The following PARD3B variants were observed in gnomAD, a reference collection of about 807,000 sequenced individuals.
The protein encoded by PARD3B is par-3 family cell polarity regulator beta.
PARD3B carries 103 observed loss-of-function variants against 130.2 expected under a neutral mutation model. The observed-to-expected ratio is 0.79, with a 90% CI of 0.67 to 0.93. The LOEUF (loss-of-function observed/expected upper bound fraction) is 0.93, where lower values mean the gene tolerates loss of function less well. PARD3B is among the 40% of genes least tolerant of loss of function. The pLI, the probability that PARD3B is intolerant of heterozygous loss-of-function variation, is 0.00. For missense variants in PARD3B, 1,609 were observed against 1,499.2 expected (o/e 1.07, Z -1.21); for synonymous variants, 583 against 553.2 (o/e 1.05, Z -0.76).
chr2:205,534,223 G>GA (rs933703095), intron 21 of PARD3B, among the ~76,000 whole-genome samples: 19 of 152,308 alleles, frequency 1.2e-4, no homozygotes, highest in African/African-American at 4.6e-4. Flanking sequence ...TTATGTTTGT[G>GA]AAAAGAGATA....
chr2:205,029,113 G>T (rs947627217), intron 3 of PARD3B, among the ~76,000 whole-genome samples: 4 of 152,118 alleles, frequency 2.6e-5, no homozygotes, highest in African/African-American at 7.2e-5. Flanking sequence ...CTAGTGCCAG[G>T]TTGCTAGCCC....
intron 18 of PARD3B, among the ~76,000 whole-genome samples, chr2:205,329,152 T>C (rs1443009511): frequency 6.6e-6 from 1 of 152,226 alleles, no homozygotes; most frequent in Non-Finnish European, 1.5e-5. Context: ...ATGAATGAGA[T>C]GCACTTCTAC....
chr2:204,880,196 T>G (rs965385888), intron 2 of PARD3B, among the ~76,000 whole-genome samples: 2 of 152,186 alleles, frequency 1.3e-5, no homozygotes, highest in Non-Finnish European at 2.9e-5. Flanking sequence ...CTTAGTTGTT[T>G]GTGATTTAAT....
chr2:204,696,838 T>C (rs2037633621), intron 2 of PARD3B, among the ~76,000 whole-genome samples: 1 of 152,108 alleles, frequency 6.6e-6, no homozygotes, highest in East Asian at 1.9e-4. Flanking sequence ...GAATCAGTTT[T>C]GAAGGATCAA....
At chr2:205,073,135 C>CGTA (rs1312290800) in intron 4 of PARD3B, among the ~76,000 whole-genome samples, 2 of 151,998 alleles carry the variant, frequency 1.3e-5, no homozygotes, top group Non-Finnish European at 2.9e-5. Flanking sequence ...GTTACTATTC[C>CGTA]AATTACCTTT....
intron 2 of PARD3B, among the ~76,000 whole-genome samples, chr2:204,709,962 C>T (rs1386031883): frequency 6.6e-6 from 1 of 152,134 alleles, no homozygotes. Context: ...CTAAAGAAAT[C>T]ATAATTAAAT....
chr2:204,546,507 A>C (rs570619778), intron 1 of PARD3B, among the ~76,000 whole-genome samples: 1 of 152,294 alleles, frequency 6.6e-6, no homozygotes, highest in East Asian at 1.9e-4. Flanking sequence ...TGCTCACCTA[A>C]GTGTGATTTT....
intron 2 of PARD3B, among the ~76,000 whole-genome samples, chr2:204,716,717 G>A (rs553606709): frequency 9.8e-4 from 149 of 151,394 alleles, no homozygotes; most frequent in Non-Finnish European, 1.8e-3. Context: ...CCGCCTCCTG[G>A]GTTCACGCCA....
At chr2:204,966,457 C>T (rs1001171808) in intron 3 of PARD3B, among the ~76,000 whole-genome samples, 1 of 152,110 alleles carries the variant, frequency 6.6e-6, no homozygotes, top group Non-Finnish European at 1.5e-5. Context: ...CTTACAGCCC[C>T]ATCATTCATT....
At chr2:204,953,418 C>CAG (rs752929812) in intron 2 of PARD3B, among the ~76,000 whole-genome samples, 38 of 117,510 alleles carry the variant, frequency 3.2e-4, no homozygotes, top group African/African-American at 1.1e-3. Context: ...CATACACACA[C>CAG]ACAGAGAGAG....
intron 2 of PARD3B, among the ~76,000 whole-genome samples, chr2:204,936,763 A>G (rs780791210): frequency 6.6e-6 from 1 of 152,220 alleles, no homozygotes; most frequent in Non-Finnish European, 1.5e-5. Flanking sequence ...GTTAACCATG[A>G]TTAACTGACA....
chr2:204,990,706 T>G (rs1693592884), intron 3 of PARD3B, among the ~76,000 whole-genome samples: 1 of 152,140 alleles, frequency 6.6e-6, no homozygotes, highest in South Asian at 2.1e-4. Flanking sequence ...CCTGTATGTT[T>G]TTTGATGACC....
intron 15 of PARD3B, among the ~76,000 whole-genome samples, chr2:205,237,585 A>G (rs2039125448): frequency 6.6e-6 from 1 of 152,188 alleles, no homozygotes; most frequent in Non-Finnish European, 1.5e-5. Context: ...AGCTGTTTGT[A>G]TGAAGTATTC....
At position 205,121,080 on chromosome 2, in the gene PARD3B, G is replaced by A. The variant is rs2030652672; in HGVS notation, c.807-511G>A. Among the ~76,000 whole-genome samples the A allele has an allele frequency of 6.6e-6, 1 of 152,210 alleles. No individual in the cohort carries two copies. Among genetic ancestry groups the A allele is most frequent in the Non-Finnish European group, 1.5e-5 (1 of 68,044 alleles). On this transcript the variant is annotated intron_variant, in intron 7 of 22. Transcript: ENST00000406610. This position sits in a 1 kb window ranked among gnomAD's most constrained non-coding sequence, Gnocchi z 5.0. ...AGCACCTGCCAAAATGTCTCCATGA[G>A]CAAACATGGATGTCAAACTTGAACT...
rs1279942563 is a variant in PARD3B, at chr2:204,998,475, A to ATGTGTATATAATATATGTATATATG, written c.394+33176_394+33177insGTGTGTATATAATATATGTATATAT. On this transcript the variant is annotated intron_variant, in intron 3 of 22. Transcript: ENST00000406610. Reference sequence around the variant, plus strand: ...ATGTGTATATTATATATGTATATATATGTGTATATAATATATGTATATATA... The same window carrying ATGTGTATATAATATATGTATATATG: ...ATGTGTATATTATATATGTATATATATGTGTATATAATATATGTATATATGTGTGTATATAATATATGTATATATA... Among the ~76,000 whole-genome samples the ATGTGTATATAATATATGTATATATG allele has an allele frequency of 1.6e-4, 15 of 95,202 alleles. 1 individual carries two copies. Among genetic ancestry groups the ATGTGTATATAATATATGTATATATG allele is most frequent in the African/African-American group, 4.7e-4 (11 of 23,554 alleles). The allele number at this position is 95,202 out of a possible 152,430, so 62.5% of individuals were successfully genotyped here.
intron 2 of PARD3B, among the ~76,000 whole-genome samples, chr2:204,813,553 C>T (rs2125528600): frequency 6.6e-6 from 1 of 152,124 alleles, no homozygotes; most frequent in Middle Eastern, 3.4e-3. Flanking sequence ...TCTTCATGGA[C>T]CATGCTTTTA....
rs1298451651 is a variant in PARD3B at position 205,054,404 on chromosome 2, T to TTA, written c.504+6746_504+6747dup. Among the ~76,000 whole-genome samples, 31 of 33,832 alleles carry TTA rather than the reference T, an allele frequency of 9.2e-4. 1 individual carries two copies. Among genetic ancestry groups the TTA allele is most frequent in the African/African-American group, 2.4e-3 (27 of 11,176 alleles). The allele number at this position is 33,832 out of a possible 152,430, so 22.2% of individuals were successfully genotyped here. On this transcript the variant is annotated intron_variant, in intron 4 of 22. Transcript: ENST00000406610. Reference sequence around the variant, plus strand: ...TAACAAGGTAACCATGACATGTCTTTTATATATATATATATATATATATAT... The same window carrying TTA: ...TAACAAGGTAACCATGACATGTCTTTTATATATATATATATATATATATATAT...
At chr2:204,946,989 A>G (rs1231590672) in intron 2 of PARD3B, among the ~76,000 whole-genome samples, 1 of 152,186 alleles carries the variant, frequency 6.6e-6, no homozygotes, top group Non-Finnish European at 1.5e-5. Flanking sequence ...ATTTCTAGTC[A>G]GGCCTTCAGT....
chr2:205,161,195 C>T (rs185159686), intron 11 of PARD3B, among the ~76,000 whole-genome samples: 6 of 152,208 alleles, frequency 3.9e-5, no homozygotes, highest in Admixed American at 1.3e-4. Flanking sequence ...CAGATATTGG[C>T]GAGCAGGTTT....
Sources: allele counts gnomAD v4.1 joint callset (sites outside exome capture counted in the v4.1 genomes callset), GRCh38; gene constraint gnomAD v4.1.1; non-coding constraint Gnocchi (gnomAD v3.1); transcripts MANE v1.5; gene names NCBI Gene and HGNC (gene_info 2026-07-23, HGNC 2026-07-21).